Variants in PCM1 observed in about 807,000 individuals in gnomAD.
The protein encoded by PCM1 is pericentriolar material 1, also known as pericentriolar material 1 protein.
A neutral mutation model predicts 241.9 loss-of-function variants in PCM1; 157 were observed. That is an observed-to-expected ratio of 0.65 (90% CI 0.57 to 0.74). The LOEUF is 0.74. Among genes scored for constraint, PCM1 ranks in the 30% least tolerant of loss-of-function variants. PCM1 has a pLI of 0.00. For missense variants in PCM1, 3,478 were observed against 2,360.1 expected, an observed-to-expected ratio of 1.47 and a Z score of -9.81; for synonymous variants, 1,085 against 784.9, an observed-to-expected ratio of 1.38 and a Z score of -6.39.
chr8:17,997,799 G>C (rs898099074), intron 29 of PCM1, among the ~76,000 whole-genome samples: 1 of 151,332 alleles, frequency 6.6e-6, no homozygotes, highest in Non-Finnish European at 1.5e-5. Flanking sequence ...GCTGGGGCGG[G>C]TGATCACTTG....
rs1491174426 is a variant in PCM1, at chr8:18,028,272, A to ATAAG, written c.*612_*615dup. On this transcript the variant is annotated 3_prime_UTR_variant, in exon 39 of 39. Coordinates refer to ENST00000325083, the MANE Select transcript of PCM1 (RefSeq NM_006197.4). ...TTTATTAATCCATTGAAATTGGATA[A>ATAAG]TAAGTTTAGAACATAGGTTCTCAGT... The ATAAG allele has an allele frequency of 1.1e-5, 2 of 186,616 alleles. No individual in the cohort carries two copies. Among genetic ancestry groups the ATAAG allele is most frequent in the East Asian group, 8.7e-5 (1 of 11,484 alleles). 11.6% of individuals were successfully genotyped at this position (186,616 alleles called of 1,614,324 possible).
At chr8:18,020,248 T>C (rs1312077188) in intron 36 of PCM1, among the ~76,000 whole-genome samples, 1 of 152,156 alleles carries the variant, frequency 6.6e-6, no homozygotes, top group Non-Finnish European at 1.5e-5. Context: ...TACGTTACAG[T>C]TAAATCGAGT....
chr8:17,962,170 A>G lies in PCM1; in HGVS notation c.2459A>G (p.Asn820Ser), dbSNP rs376124468. The change falls in exon 16 of 39, where the codon AAT (asparagine) becomes AGT (serine). Residue 820 changes from asparagine to serine, a missense_variant. Physicochemically the swap from Asn to Ser is conservative, Grantham distance 46. Transcript: ENST00000325083. The stretch of plus-strand genomic sequence containing the variant: ...CCTGAAGATTCTTCAATAGTAGATA[A>G]TGAGGTATTGTAAATTGTACTCTCT... The part of the protein sequence containing the change: ...FEPEDSSIVD[N>S]ELWSEMRRHE... The G allele has an allele frequency of 1.2e-6, 2 of 1,602,022 alleles. No individual in the cohort carries two copies. Among genetic ancestry groups the G allele is most frequent in the Non-Finnish European group, 1.7e-6 (2 of 1,172,922 alleles).
intron 33 of PCM1, 61 bp from the exon 34 acceptor site, chr8:18,011,606 G>C: frequency 7.0e-7 from 1 of 1,429,010 alleles, no homozygotes; most frequent in South Asian, 1.3e-5. Context: ...TGCAGTAAGT[G>C]GTAGCTATTG....
At position 18,027,585 on chromosome 8, in the gene PCM1, A is replaced by G. The variant is rs1188095054; in HGVS notation, c.6050-52A>G. The G allele has an allele frequency of 3.8e-6, 5 of 1,316,820 alleles. No homozygotes were observed. In the Admixed American group the frequency reaches 9.4e-5, roughly 25 times the overall value. The allele number at this position is 1,316,820 out of a possible 1,614,324, so 81.6% of individuals were successfully genotyped here. A position where few individuals can be genotyped will look rare whatever the true frequency, so the allele number is the denominator to read the frequency against. ...CTTTAATGACAGAGAACAATGTTAA[A>G]TTCTAGTAATTCGATAAGTAATTTA... is the stretch of plus-strand genomic sequence containing the variant. On this transcript the variant is annotated intron_variant, in intron 38 of 38. Coordinates refer to ENST00000325083, the MANE Select transcript of PCM1 (RefSeq NM_006197.4).
At chr8:17,978,294 C>T (rs1182894959) in intron 23 of PCM1, among the ~76,000 whole-genome samples, 2 of 151,836 alleles carry the variant, frequency 1.3e-5, no homozygotes, top group Non-Finnish European at 2.9e-5. Context: ...AAATAAAAAA[C>T]CAGGTGGACA....
chr8:17,957,326 C>G lies in PCM1; in HGVS notation c.1709C>G (p.Ser570Cys), dbSNP rs756562017. The G allele has an allele frequency of 3.1e-6, 5 of 1,611,374 alleles. No homozygotes were observed. The South Asian group carries it at 5.5e-5, about 18-fold the overall frequency. Residue 570 changes from serine to cysteine, a missense_variant, in exon 12 of 39, where the codon TCT (serine) becomes TGT (cysteine). By Grantham distance (112) the Ser-to-Cys change is moderately radical (BLOSUM62 -1). Coordinates refer to ENST00000325083, the MANE Select transcript of PCM1 (RefSeq NM_006197.4). ...AGTCATAGTAATGCACAGTGTGTTTCTAATAATAGAGATGGGCGAACAGTT... is the reference window on the plus strand; with the variant it reads ...AGTCATAGTAATGCACAGTGTGTTTGTAATAATAGAGATGGGCGAACAGTT... ...VNSHSNAQCV[S>C]NNRDGRTVNS...
intron 4 of PCM1, 53 bp downstream of exon 4, chr8:17,937,432 T>A: frequency 7.1e-7 from 1 of 1,400,962 alleles, no homozygotes; most frequent in Admixed American, 2.8e-5. Context: ...ATACTTGAAA[T>A]GGATTAAATA....
At chr8:17,941,226 T>C (rs902881453) in intron 6 of PCM1, among the ~76,000 whole-genome samples, 1 of 152,136 alleles carries the variant, frequency 6.6e-6, no homozygotes. Flanking sequence ...ATGGAAGGGT[T>C]AGGACGATGT....
intron 36 of PCM1, among the ~76,000 whole-genome samples, chr8:18,017,528 GT>G (rs2093340999): frequency 6.6e-6 from 1 of 152,050 alleles, no homozygotes; most frequent in African/African-American, 2.4e-5. Flanking sequence ...ACCTACCTGT[GT>G]TGGGCCAGAC....
At chr8:18,020,413 A>T (rs35518625) in intron 36 of PCM1, among the ~76,000 whole-genome samples, 6,049 of 152,240 alleles carry the variant, frequency 0.04, 154 homozygotes, top group South Asian at 0.068. Flanking sequence ...ACATGTCTTA[A>T]TAAGTAGACT....
At chr8:17,948,647 T>C (rs7843298) in intron 7 of PCM1, among the ~76,000 whole-genome samples, 68,643 of 152,016 alleles carry the variant, frequency 0.45, 17,991 homozygotes, top group Non-Finnish European at 0.61. Flanking sequence ...TATAGAGTAC[T>C]GTATACAGTA....
At chr8:17,967,734 C>G (rs181612135) in intron 21 of PCM1, among the ~76,000 whole-genome samples, 1 of 152,320 alleles carries the variant, frequency 6.6e-6, no homozygotes, top group African/African-American at 2.4e-5. Flanking sequence ...CTGCTGTATA[C>G]TAGGCACTGT....
chr8:17,933,494 A>T (rs1338228945), intron 2 of PCM1, among the ~76,000 whole-genome samples: 1 of 152,224 alleles, frequency 6.6e-6, no homozygotes, highest in African/African-American at 2.4e-5. Context: ...GAATTACATT[A>T]AGCCAATCTA....
In PCM1 at chr8:18,014,015, G is replaced by C. The variant is rs767140701; in HGVS notation, c.5563G>C (p.Glu1855Gln). Reference sequence around the variant, plus strand: ...AGCAGAAAGCAAAAATGTCCCATTGGAACGAGAAGCCACTAGTAAAAGTAA... The same window carrying C: ...AGCAGAAAGCAAAAATGTCCCATTGCAACGAGAAGCCACTAGTAAAAGTAA... ...KTAESKNVPL[E>Q]REATSKNDQN... Residue 1855 changes from glutamate to glutamine, a missense_variant, in exon 35 of 39, where the codon GAA becomes CAA. Transcript: ENST00000325083. The C allele has an allele frequency of 6.3e-7, 1 of 1,596,816 alleles. No homozygotes were observed. Among genetic ancestry groups the C allele is most frequent in the Middle Eastern group, 1.7e-4 (1 of 6,000 alleles).
chr8:17,993,400 T>C (rs1312069436), intron 28 of PCM1, 83 bp from the exon 29 acceptor site: 64 of 913,874 alleles, frequency 7.0e-5, no homozygotes, highest in Non-Finnish European at 1.0e-4. Context: ...TCAAATTTAA[T>C]ATTTTTCAAA....
chr8:17,929,166 G>T (rs2058171860), intron 2 of PCM1, among the ~76,000 whole-genome samples: 1 of 152,032 alleles, frequency 6.6e-6, no homozygotes, highest in African/African-American at 2.4e-5. Flanking sequence ...TAACCTTGTT[G>T]CTAAATCTAG....
At position 17,945,116 on chromosome 8, in the gene PCM1, G is replaced by C. The variant is rs552577445; in HGVS notation, c.784-2070G>C. The stretch of plus-strand genomic sequence containing the variant: ...GGTTTTACATTTTACCGTTGACTTT[G>C]ATGAAATCATTATAAAATTATTTTT... On this transcript the variant is annotated intron_variant, in intron 6 of 38. Coordinates refer to ENST00000325083, the MANE Select transcript of PCM1 (RefSeq NM_006197.4). Among the ~76,000 whole-genome samples the C allele has an allele frequency of 2.6e-5, 4 of 152,074 alleles. No homozygotes were observed. The East Asian group carries it at 7.7e-4, about 29-fold the overall frequency.
intron 24 of PCM1, chr8:17,982,455 A>C (rs1330511321): frequency 2.0e-5 from 3 of 152,052 alleles, no homozygotes; most frequent in African/African-American, 7.2e-5. Context: ...TGAATATATA[A>C]ATATACACAA....
Sources: gnomAD v4.1 joint callset for allele counts (sites outside exome capture counted in the v4.1 genomes callset) on GRCh38, gnomAD v4.1.1 for gene constraint, MANE v1.5 for transcripts, NCBI Gene and HGNC (gene_info 2026-07-23, HGNC 2026-07-21) for gene names.